OPCML: variants seen among roughly 807,000 people sequenced by gnomAD.
OPCML encodes opioid-binding protein/cell adhesion molecule.
OPCML carries 13 observed loss-of-function variants against 37.8 expected under a neutral mutation model. The ratio of observed to expected loss-of-function variants is 0.34; its 90% CI spans 0.22 to 0.55. The LOEUF is 0.55. Ranked by LOEUF, OPCML falls within the 20% of genes least tolerant of loss-of-function variation. The pLI, the probability that OPCML is intolerant of heterozygous loss-of-function variation, is 0.91. For missense variants in OPCML, 341 were observed against 435.6 expected (o/e 0.78, Z 1.93); for synonymous variants, 176 against 168.8 (o/e 1.04, Z -0.33).
intron 2 of OPCML, among the ~76,000 whole-genome samples, chr11:132,929,772 C>T (rs1264249618): frequency 6.6e-6 from 1 of 152,130 alleles, no homozygotes; most frequent in East Asian, 1.9e-4. Context: ...GAATATACCA[C>T]ATTAACCAGT....
At chr11:133,080,484 T>TG (rs1447712860) in intron 1 of OPCML, among the ~76,000 whole-genome samples, 2 of 151,704 alleles carry the variant, frequency 1.3e-5, no homozygotes, top group South Asian at 2.1e-4. Flanking sequence ...GTTTTTTTTT[T>TG]TTTTTTTTTT....
At chr11:133,134,695 C>T (rs1168672439) in intron 1 of OPCML, among the ~76,000 whole-genome samples, 2 of 152,164 alleles carry the variant, frequency 1.3e-5, no homozygotes, top group Non-Finnish European at 2.9e-5. Context: ...TGCGTGAACC[C>T]TGCAAAGGAG....
intron 1 of OPCML, among the ~76,000 whole-genome samples, chr11:133,077,144 C>T: frequency 6.6e-6 from 1 of 152,026 alleles, no homozygotes; most frequent in South Asian, 2.1e-4. Flanking sequence ...GACTTCTGAG[C>T]TTTGCTTATG....
intron 3 of OPCML, among the ~76,000 whole-genome samples, chr11:132,626,536 T>C (rs1939749495): frequency 6.6e-6 from 1 of 152,104 alleles, no homozygotes; most frequent in African/African-American, 2.4e-5. Context: ...ATAAGGTGTA[T>C]AGAAGATAGG....
intron 2 of OPCML, among the ~76,000 whole-genome samples, chr11:132,908,323 T>G (rs1371632906): frequency 6.6e-6 from 1 of 152,168 alleles, no homozygotes; most frequent in African/African-American, 2.4e-5. Flanking sequence ...CGTGCACACA[T>G]AGGTACACAC....
At chr11:132,490,040 A>T (rs767691383) in intron 4 of OPCML, among the ~76,000 whole-genome samples, 1 of 152,100 alleles carries the variant, frequency 6.6e-6, no homozygotes, top group East Asian at 1.9e-4. Flanking sequence ...TTACAGCTGC[A>T]TAGTATTCCA....
chr11:133,154,333 G>A (rs550848266), intron 1 of OPCML, among the ~76,000 whole-genome samples: 3 of 152,096 alleles, frequency 2.0e-5, no homozygotes, highest in South Asian at 4.2e-4. Context: ...TTCAAATCAC[G>A]AATTCCTTCT....
chr11:133,018,526 T>A (rs564421191), intron 1 of OPCML, among the ~76,000 whole-genome samples: 23 of 152,172 alleles, frequency 1.5e-4, no homozygotes, highest in Admixed American at 5.9e-4. Flanking sequence ...CGTGCCCTTT[T>A]GTAGATCGGA....
intron 1 of OPCML, among the ~76,000 whole-genome samples, chr11:133,482,437 G>A (rs1052730459): frequency 4.1e-4 from 63 of 152,246 alleles, no homozygotes; most frequent in African/African-American, 1.5e-3. Flanking sequence ...TATCAACAAT[G>A]TCTGTGAAAA....
At chr11:133,012,889 A>G (rs1051937842) in intron 1 of OPCML, among the ~76,000 whole-genome samples, 1 of 147,340 alleles carries the variant, frequency 6.8e-6, no homozygotes, top group Non-Finnish European at 1.5e-5. Flanking sequence ...AAAAAAAAAG[A>G]AAAAAATCAG....
In OPCML at chr11:133,250,641, G is replaced by C. The variant is rs188970537; in HGVS notation, c.61+281623C>G. 7.2e-5 allele frequency among the ~76,000 whole-genome samples: 11 copies of C among 152,214 alleles called. No individual in the cohort carries two copies. In the East Asian group the frequency reaches 1.5e-3, roughly 21 times the overall value. Reference sequence around the variant, plus strand: ...ATAGTTTATTGTGACAATGAGTGAAGAGAGTAAGACAAAAAATCATCTTAA... The same window carrying C: ...ATAGTTTATTGTGACAATGAGTGAACAGAGTAAGACAAAAAATCATCTTAA... On this transcript the variant is annotated intron_variant, in intron 1 of 7. Transcript: ENST00000524381.
chr11:132,888,467 C>G (rs1943507900), intron 2 of OPCML, among the ~76,000 whole-genome samples: 1 of 151,542 alleles, frequency 6.6e-6, no homozygotes, highest in South Asian at 2.1e-4. Context: ...GGAGCCTGTG[C>G]CTGCCTTACT....
intron 1 of OPCML, among the ~76,000 whole-genome samples, chr11:133,279,789 A>T (rs1324458624): frequency 4.6e-5 from 7 of 151,982 alleles, no homozygotes; most frequent in African/African-American, 1.7e-4. Context: ...GCAGAGAAAT[A>T]AAAAAAACTC....
chr11:132,553,365 A>T (rs1303387170), intron 3 of OPCML, among the ~76,000 whole-genome samples: 1 of 152,174 alleles, frequency 6.6e-6, no homozygotes, highest in Non-Finnish European at 1.5e-5. Context: ...TTCCCTGGAG[A>T]CAGCCATTTA....
At chr11:133,207,661 A>T (rs1197365377) in intron 1 of OPCML, among the ~76,000 whole-genome samples, 1 of 152,180 alleles carries the variant, frequency 6.6e-6, no homozygotes, top group Non-Finnish European at 1.5e-5. Flanking sequence ...ATTTAAAGAA[A>T]TCGATATCTG....
chr11:132,521,495 A>G (rs938890859), intron 4 of OPCML, among the ~76,000 whole-genome samples: 3 of 152,208 alleles, frequency 2.0e-5, no homozygotes, highest in Non-Finnish European at 4.4e-5. Context: ...TTGCAGGGAC[A>G]TGGATGAAGC....
At chr11:132,949,666 C>A (rs373096512) in intron 1 of OPCML, among the ~76,000 whole-genome samples, 1 of 152,116 alleles carries the variant, frequency 6.6e-6, no homozygotes, top group African/African-American at 2.4e-5. Flanking sequence ...AAATGTAACA[C>A]GATTTTTACT....
chr11:132,684,376 G>A (rs1002602537), intron 2 of OPCML, among the ~76,000 whole-genome samples: 1 of 152,010 alleles, frequency 6.6e-6, no homozygotes, highest in Non-Finnish European at 1.5e-5. Context: ...ATAGTAAGTG[G>A]GAGAGCTAGT....
chr11:133,092,465 G>A (rs1262877295), intron 1 of OPCML, among the ~76,000 whole-genome samples: 2 of 152,140 alleles, frequency 1.3e-5, no homozygotes, highest in African/African-American at 4.8e-5. Flanking sequence ...GCTCATGCCT[G>A]TAATCCCAGT....
Sources: gnomAD v4.1 joint callset for allele counts (sites outside exome capture counted in the v4.1 genomes callset) on GRCh38, gnomAD v4.1.1 for gene constraint, MANE v1.5 for transcripts, NCBI Gene and HGNC (gene_info 2026-07-23, HGNC 2026-07-21) for gene names.